SPRED2: variants seen among roughly 807,000 people sequenced by gnomAD.
The protein encoded by SPRED2 is sprouty related EVH1 domain containing 2, also known as sprouty-related, EVH1 domain-containing protein 2.
SPRED2 carries 47 observed loss-of-function variants against 43.0 expected under a neutral mutation model. That is an observed-to-expected ratio of 1.09 (90% CI 0.87 to 1.40). The LOEUF (loss-of-function observed/expected upper bound fraction) is 1.40. SPRED2 is among the 40% of genes most tolerant of loss of function. SPRED2 has a pLI of 0.00. For missense variants in SPRED2, 561 were observed against 586.4 expected (o/e 0.96, Z 0.45); for synonymous variants, 225 against 225.7 (o/e 1.00, Z 0.03).
At chr2:65,427,110 C>T (rs923268695) in intron 1 of SPRED2, among the ~76,000 whole-genome samples, 4 of 151,986 alleles carry the variant, frequency 2.6e-5, no homozygotes, top group African/African-American at 7.3e-5. Context: ...GTCACTCTGT[C>T]GCCCAGGCTA....
At chr2:65,431,488 G>C (rs1442982697) in intron 1 of SPRED2, among the ~76,000 whole-genome samples, 1 of 152,194 alleles carries the variant, frequency 6.6e-6, no homozygotes, top group African/African-American at 2.4e-5. Flanking sequence ...GCAAATGAGA[G>C]CGATTCAAGA....
chr2:65,425,229 T>C (rs978409544), intron 1 of SPRED2, among the ~76,000 whole-genome samples: 1 of 152,168 alleles, frequency 6.6e-6, no homozygotes, highest in Non-Finnish European at 1.5e-5. Flanking sequence ...AACAACCAGA[T>C]CTGAAAAATC....
intron 1 of SPRED2, among the ~76,000 whole-genome samples, chr2:65,386,591 A>T (rs1299217778): frequency 6.6e-6 from 1 of 152,214 alleles, no homozygotes; most frequent in Non-Finnish European, 1.5e-5. Flanking sequence ...CAAACTTAGT[A>T]AGCTCATAAT....
intron 1 of SPRED2, among the ~76,000 whole-genome samples, chr2:65,413,710 T>C (rs776977220): frequency 8.5e-5 from 13 of 152,200 alleles, no homozygotes; most frequent in Admixed American, 1.3e-4. Context: ...CTCAGCTCCC[T>C]TGATTGGCAT....
intron 1 of SPRED2, among the ~76,000 whole-genome samples, chr2:65,401,937 G>GCGCGCGCGCGCGCA (rs776512353): frequency 1.5e-4 from 17 of 114,758 alleles, no homozygotes; most frequent in African/African-American, 4.7e-4. Flanking sequence ...GCGCGCGCGC[G>GCGCGCGCGCGCGCA]CACACACACA....
At chr2:65,359,035 C>G (rs1258944387) in intron 1 of SPRED2, among the ~76,000 whole-genome samples, 2 of 152,190 alleles carry the variant, frequency 1.3e-5, no homozygotes, top group Non-Finnish European at 2.9e-5. Context: ...CTAAAAGGAT[C>G]CGTACTGATG....
chr2:65,428,894 G>A (rs1047976824), intron 1 of SPRED2, among the ~76,000 whole-genome samples: 1 of 152,226 alleles, frequency 6.6e-6, no homozygotes, highest in Admixed American at 6.5e-5. Flanking sequence ...CCAACCCTAT[G>A]CACAGAGGAC....
In SPRED2 at chr2:65,344,703, G is replaced by T. The variant is rs200614727; in HGVS notation, c.204+16C>A. 33 of 1,613,104 alleles carry T rather than the reference G, an allele frequency of 2.0e-5. No individual in the cohort carries two copies. The African/African-American group carries it at 4.1e-4, about 20-fold the overall frequency. ...TTGTTACTAATTTAACCCACGAGTT[G>T]TATGTCTGCCATTACCAGTTTGTCT... is the stretch of plus-strand genomic sequence containing the variant. On this transcript the variant is annotated intron_variant, in intron 2 of 5. Coordinates refer to ENST00000356388, the MANE Select transcript of SPRED2 (RefSeq NM_181784.3).
At position 65,423,773 on chromosome 2, in the gene SPRED2, T is replaced by C. The variant is rs1409801710; in HGVS notation, c.26+8189A>G. ...TTTACCAAGGCTACCTCATTTATGC[T>C]TTTTTTTTTTTTTCTTTGAGATGGA... On this transcript the variant is annotated intron_variant, in intron 1 of 5. Transcript: ENST00000356388. Among the ~76,000 whole-genome samples the C allele has an allele frequency of 1.4e-3, 10 of 6,940 alleles. No individual in the cohort carries two copies. In the East Asian group the frequency reaches 0.029, roughly 20 times the overall value. The allele number at this position is 6,940 out of a possible 152,430, so 4.6% of individuals were successfully genotyped here. A position where few individuals can be genotyped will look rare whatever the true frequency, so the allele number is the denominator to read the frequency against.
intron 1 of SPRED2, among the ~76,000 whole-genome samples, chr2:65,350,888 G>A (rs562290508): frequency 6.6e-6 from 1 of 152,178 alleles, no homozygotes; most frequent in Non-Finnish European, 1.5e-5. Context: ...AGGGCCAGGC[G>A]GCCCTGAAGT....
At chr2:65,337,560 G>A (rs1459700259) in intron 2 of SPRED2, among the ~76,000 whole-genome samples, 1 of 152,196 alleles carries the variant, frequency 6.6e-6, no homozygotes, top group African/African-American at 2.4e-5. Flanking sequence ...CACAATCCCA[G>A]TTTCCATTTT....
intron 1 of SPRED2, among the ~76,000 whole-genome samples, chr2:65,364,025 TCACTCTA>T (rs1674898101): frequency 6.6e-6 from 1 of 152,194 alleles, no homozygotes; most frequent in Middle Eastern, 3.2e-3. Context: ...CAAGGTTATG[TCACTCTA>T]CTTGGCTCAG....
intron 1 of SPRED2, among the ~76,000 whole-genome samples, chr2:65,403,971 G>A (rs531696532): frequency 6.6e-6 from 1 of 152,268 alleles, no homozygotes; most frequent in South Asian, 2.1e-4. Context: ...TTGGGAGGCC[G>A]AGGCAGGTGG....
chr2:65,398,992 G>C (rs1197728054), intron 1 of SPRED2, among the ~76,000 whole-genome samples: 1 of 152,174 alleles, frequency 6.6e-6, no homozygotes, highest in African/African-American at 2.4e-5. Context: ...GAGAAAATGT[G>C]GTATAGCTGG....
At chr2:65,344,026 A>G (rs1674263755) in intron 2 of SPRED2, among the ~76,000 whole-genome samples, 1 of 151,218 alleles carries the variant, frequency 6.6e-6, no homozygotes, top group Non-Finnish European at 1.5e-5. Flanking sequence ...GCGCACCTGT[A>G]GTCCCAGCTA....
intron 1 of SPRED2, among the ~76,000 whole-genome samples, chr2:65,416,828 C>T (rs1676286104): frequency 6.6e-6 from 1 of 152,112 alleles, no homozygotes; most frequent in Non-Finnish European, 1.5e-5. Context: ...CTGTCTCAAG[C>T]CTAGGTTTGT....
At chr2:65,399,044 C>A (rs12052827) in intron 1 of SPRED2, among the ~76,000 whole-genome samples, 1 of 151,858 alleles carries the variant, frequency 6.6e-6, no homozygotes, top group East Asian at 2.0e-4. Context: ...TTTGTGAGGC[C>A]AAGGTGGGCG....
At chr2:65,310,804 C>T, downstream of SPRED2, 1 of 927,204 alleles carries the variant, frequency 1.1e-6, no homozygotes, top group South Asian at 5.0e-5. Context: ...TGCCAACGCT[C>T]TAGCATCACC....
intron 1 of SPRED2, among the ~76,000 whole-genome samples, chr2:65,357,459 G>GA (rs1034303342): frequency 2.0e-5 from 3 of 152,226 alleles, no homozygotes; most frequent in African/African-American, 7.2e-5. Context: ...CCAGACTGCA[G>GA]AAGGGACTTG....
Sources: gnomAD v4.1 joint callset for allele counts (sites outside exome capture counted in the v4.1 genomes callset) on GRCh38, gnomAD v4.1.1 for gene constraint, MANE v1.5 for transcripts, NCBI Gene and HGNC (gene_info 2026-07-23, HGNC 2026-07-21) for gene names.